GLRA3: variants seen among roughly 807,000 people sequenced by gnomAD.
GLRA3 encodes glycine receptor alpha 3.
A neutral mutation model predicts 60.4 loss-of-function variants in GLRA3; 44 were observed. The observed-to-expected ratio is 0.73, with a 90% confidence interval of 0.57 to 0.94. The LOEUF is 0.94. Ranked by LOEUF, GLRA3 falls within the 40% of genes least tolerant of loss-of-function variation. The pLI, the probability that GLRA3 is intolerant of heterozygous loss-of-function variation, is 0.00. For synonymous variants in GLRA3, 223 were observed against 192.9 expected (o/e 1.16, Z -1.29); for missense variants, 508 against 564.6 (o/e 0.90, Z 1.02).
intron 2 of GLRA3, among the ~76,000 whole-genome samples, chr4:174,777,118 A>T (rs1481989578): frequency 6.6e-6 from 1 of 152,212 alleles, no homozygotes; most frequent in Non-Finnish European, 1.5e-5. Context: ...AAACAGTGCC[A>T]GCATAAGCAA....
intron 1 of GLRA3, among the ~76,000 whole-genome samples, chr4:174,807,464 C>A (rs1740096606): frequency 1.3e-5 from 2 of 151,898 alleles, no homozygotes; most frequent in South Asian, 2.1e-4. Context: ...AAGAAATAAT[C>A]TATAAAGAGA....
intron 2 of GLRA3, among the ~76,000 whole-genome samples, chr4:174,774,364 A>ATG (rs141440746): frequency 0.2 from 30,157 of 150,590 alleles, 3,416 homozygotes; most frequent in Admixed American, 0.26. Context: ...GTGTGTGTGT[A>ATG]TGTGTGTGTG....
intron 5 of GLRA3, among the ~76,000 whole-genome samples, chr4:174,711,298 T>C: frequency 6.6e-6 from 1 of 151,620 alleles, no homozygotes; most frequent in Admixed American, 6.6e-5. Flanking sequence ...CTCTCTATGA[T>C]TTGTTTTGTT....
chr4:174,739,346 A>G (rs1318928091), intron 3 of GLRA3, among the ~76,000 whole-genome samples: 5 of 152,226 alleles, frequency 3.3e-5, no homozygotes, highest in Non-Finnish European at 5.9e-5. Flanking sequence ...AGTAATGTAG[A>G]AAACAGAATA....
At chr4:174,654,486 T>C (rs1434401113) in intron 9 of GLRA3, among the ~76,000 whole-genome samples, 1 of 152,148 alleles carries the variant, frequency 6.6e-6, no homozygotes, top group Non-Finnish European at 1.5e-5. Flanking sequence ...CTAGAACTAA[T>C]GATCCATTCC....
chr4:174,728,768 G>T, intron 3 of GLRA3, 70 bp from the exon 4 acceptor site: 1 of 952,516 alleles, frequency 1.0e-6, no homozygotes, highest in Non-Finnish European at 1.6e-6. Flanking sequence ...CATAGTGTCA[G>T]TGTGGTGCCA....
At position 174,639,116 on chromosome 4, in the gene GLRA3, G is replaced by A. The variant is rs1732567317; in HGVS notation, c.*4670C>T. On this transcript the variant is annotated 3_prime_UTR_variant, in exon 10 of 10. Transcript: ENST00000274093. ...GTTATTTAGCTGTTCTTCAAAAACG[G>A]TTCAAATAGTGTTTTAGAATTCGAT... is the stretch of plus-strand genomic sequence containing the variant. The A allele has an allele frequency of 6.6e-6, 1 of 152,126 alleles. No homozygotes were observed. The highest frequency in any genetic ancestry group is 6.6e-5 in the Admixed American group (1 of 15,256). The allele number at this position is 152,126 out of a possible 1,614,324, so 9.4% of individuals were successfully genotyped here.
At chr4:174,740,894 TA>T (rs1561088961) in intron 3 of GLRA3, among the ~76,000 whole-genome samples, 2 of 152,222 alleles carry the variant, frequency 1.3e-5, no homozygotes, top group Non-Finnish European at 2.9e-5. Context: ...TTTCTTGACT[TA>T]AGTTATTGTG....
At chr4:174,772,517 C>T (rs971104835) in intron 2 of GLRA3, among the ~76,000 whole-genome samples, 3 of 152,032 alleles carry the variant, frequency 2.0e-5, no homozygotes. Context: ...TGAATTTGGA[C>T]ATCAAATCCT....
chr4:174,710,957 G>A (rs1433311969), intron 5 of GLRA3, among the ~76,000 whole-genome samples: 1 of 151,700 alleles, frequency 6.6e-6, no homozygotes, highest in African/African-American at 2.4e-5. Context: ...TGGCTTATTT[G>A]TATCTAGAAA....
At chr4:174,644,471 C>A (rs1413691152) in intron 9 of GLRA3, among the ~76,000 whole-genome samples, 3 of 151,314 alleles carry the variant, frequency 2.0e-5, no homozygotes, top group Non-Finnish European at 4.4e-5. Flanking sequence ...ATACCAGGAT[C>A]ATTGACTGAA....
At chr4:174,665,962 T>A (rs907218011) in intron 7 of GLRA3, among the ~76,000 whole-genome samples, 1 of 152,174 alleles carries the variant, frequency 6.6e-6, no homozygotes, top group African/African-American at 2.4e-5. Context: ...GAGGGAATCA[T>A]CCTTATTTTA....
intron 5 of GLRA3, chr4:174,713,667 G>A (rs555238749): frequency 1.1e-4 from 16 of 152,190 alleles, no homozygotes; most frequent in African/African-American, 3.9e-4. Flanking sequence ...AGGTTGAATC[G>A]TGTTGATTTT....
In GLRA3 at chr4:174,643,678, T is replaced by C; in HGVS notation, c.*108A>G. On this transcript the variant is annotated 3_prime_UTR_variant, in exon 10 of 10. Transcript: ENST00000274093. Reference sequence around the variant, plus strand: ...AAAGCTTTTCCATATGCCATTTTAATACAATGGTCATCATTTGTATACCAC... The same window carrying C: ...AAAGCTTTTCCATATGCCATTTTAACACAATGGTCATCATTTGTATACCAC... 2.8e-6 allele frequency: 4 copies of C among 1,439,096 alleles called. No homozygotes were observed. The highest frequency in any genetic ancestry group is 3.7e-6 in the Non-Finnish European group (4 of 1,092,104). The allele number at this position is 1,439,096 out of a possible 1,614,324, so 89.1% of individuals were successfully genotyped here.
intron 7 of GLRA3, among the ~76,000 whole-genome samples, chr4:174,667,316 G>T (rs904873859): frequency 6.6e-6 from 1 of 152,078 alleles, no homozygotes; most frequent in Non-Finnish European, 1.5e-5. Flanking sequence ...TCAGGAGGGC[G>T]ATTTCTATTT....
Position 174,788,796 on chromosome 4 carries a change from G to C in GLRA3, c.199+20C>G. The C allele has an allele frequency of 6.4e-7, 1 of 1,556,794 alleles. No individual in the cohort carries two copies. The highest frequency in any genetic ancestry group is 1.2e-5 in the South Asian group (1 of 85,062). ...AGTATATTTAAAACACACATATAAA[G>C]TAGCAAACAGAACAATTACCTTTAA... On this transcript the variant is annotated intron_variant, in intron 2 of 9. Transcript: ENST00000274093.
intron 9 of GLRA3, among the ~76,000 whole-genome samples, chr4:174,656,416 G>C (rs900472589): frequency 6.6e-6 from 1 of 152,016 alleles, no homozygotes; most frequent in Non-Finnish European, 1.5e-5. Context: ...AAGCATCTGA[G>C]TGTTTCTTCT....
chr4:174,719,074 C>T (rs1736040895), intron 4 of GLRA3, among the ~76,000 whole-genome samples: 1 of 150,090 alleles, frequency 6.7e-6, no homozygotes, highest in African/African-American at 2.4e-5. Flanking sequence ...CCCCATTCTC[C>T]TGCCTCAGCC....
chr4:174,644,121 G>T, intron 9 of GLRA3, 57 bp from the exon 10 acceptor site: 1 of 970,572 alleles, frequency 1.0e-6, no homozygotes. Flanking sequence ...ATGTATAACA[G>T]GCATCTCAGA....
Sources: gnomAD v4.1 joint callset for allele counts (sites outside exome capture counted in the v4.1 genomes callset) on GRCh38, gnomAD v4.1.1 for gene constraint, MANE v1.5 for transcripts, NCBI Gene and HGNC (gene_info 2026-07-23, HGNC 2026-07-21) for gene names.